The following FBXL20 variants were observed in gnomAD, a reference collection of about 807,000 sequenced individuals.
The protein encoded by FBXL20 is F-box/LRR-repeat protein 20.
FBXL20 carries 11 observed loss-of-function variants against 64.0 expected under a neutral mutation model. The ratio of observed to expected loss-of-function variants is 0.17; its 90% CI spans 0.11 to 0.28. FBXL20 has a LOEUF of 0.28. Among genes scored for constraint, FBXL20 ranks in the 10% least tolerant of loss-of-function variants. The pLI is 1.00. For missense variants in FBXL20, 303 were observed against 526.2 expected (o/e 0.58, Z 4.15); for synonymous variants, 184 against 189.0 (o/e 0.97, Z 0.22).
At position 39,379,948 on chromosome 17, in the gene FBXL20, C is replaced by T. The variant is rs564783897; in HGVS notation, c.42+21413G>A. On this transcript the variant is annotated intron_variant, in intron 1 of 14. Transcript: ENST00000264658. ...GAGCCATGATCGCATCATGGCACTC[C>T]AGCCTGAGTTGACAGAGTGAGACCC... is the stretch of plus-strand genomic sequence containing the variant. Among the ~76,000 whole-genome samples, 18 of 152,142 alleles carry T rather than the reference C, an allele frequency of 1.2e-4. No homozygotes were observed. The South Asian group carries it at 2.3e-3, about 19-fold the overall frequency.
At chr17:39,384,210 G>C (rs2048054892) in intron 1 of FBXL20, among the ~76,000 whole-genome samples, 1 of 152,004 alleles carries the variant, frequency 6.6e-6, no homozygotes, top group African/African-American at 2.4e-5. Context: ...CTCCAGCCTG[G>C]GTGGCAGAGA....
At chr17:39,265,629 C>A (rs2046783959) in intron 12 of FBXL20, among the ~76,000 whole-genome samples, 176 bp from the exon 13 acceptor site, 1 of 151,890 alleles carries the variant, frequency 6.6e-6, no homozygotes, top group Non-Finnish European at 1.5e-5. Flanking sequence ...ACCTCAGCCC[C>A]CTGAGTAGCT....
At chr17:39,359,198 C>A (rs1268735363) in intron 1 of FBXL20, among the ~76,000 whole-genome samples, 1 of 152,022 alleles carries the variant, frequency 6.6e-6, no homozygotes. Context: ...AGCGTGGCGG[C>A]ACGCACTTGT....
chr17:39,282,690 G>A lies in FBXL20; in HGVS notation c.621+39C>T, dbSNP rs190064587. On this transcript the variant is annotated intron_variant, in intron 8 of 14. Coordinates refer to ENST00000264658, the MANE Select transcript of FBXL20 (RefSeq NM_032875.3). ...TATAAAGAGCTCATGATTCATTCAC[G>A]ATTCTTCCGAATTTCACGAGCCCTA... 45 of 1,613,458 alleles carry A rather than the reference G, an allele frequency of 2.8e-5. No individual in the cohort carries two copies. The Admixed American group carries it at 7.0e-4, about 25-fold the overall frequency.
At chr17:39,306,259 G>A (rs980272148) in intron 2 of FBXL20, among the ~76,000 whole-genome samples, 1 of 150,860 alleles carries the variant, frequency 6.6e-6, no homozygotes, top group African/African-American at 2.4e-5. Flanking sequence ...CACGTGATTC[G>A]CCTGTCTCAG....
chr17:39,265,267 T>G (rs557110984), intron 13 of FBXL20, 130 bp downstream of exon 13: 17 of 655,702 alleles, frequency 2.6e-5, no homozygotes, highest in Admixed American at 5.8e-5. Flanking sequence ...TGGTTCTCAG[T>G]AAGCTGGCAG....
At chr17:39,392,040 G>A (rs909792395) in intron 1 of FBXL20, among the ~76,000 whole-genome samples, 1 of 152,142 alleles carries the variant, frequency 6.6e-6, no homozygotes, top group Admixed American at 6.5e-5. Context: ...GGGAGGCTGA[G>A]GCAGGAGAAT....
intron 2 of FBXL20, among the ~76,000 whole-genome samples, chr17:39,342,852 A>C (rs2047596142): frequency 6.6e-6 from 1 of 152,230 alleles, no homozygotes; most frequent in African/African-American, 2.4e-5. Flanking sequence ...ACTGCACTCC[A>C]GCCTGGATGA....
chr17:39,317,220 CAAA>C (rs1164469301), intron 2 of FBXL20, among the ~76,000 whole-genome samples: 2 of 151,992 alleles, frequency 1.3e-5, no homozygotes, highest in Non-Finnish European at 2.9e-5. Flanking sequence ...TTAAAAAAGA[CAAA>C]GAAGAGCTGC....
Position 39,401,408 on chromosome 17 carries a change from C to T in FBXL20, c.-6G>A. On this transcript the variant is annotated 5_prime_UTR_variant, in exon 1 of 15. Transcript: ENST00000264658. ...CCGTTCACGTCCCTCCTCATGGGGC[C>T]GGCGGGTGCGGCCCGGGCCGGGCGC... is the stretch of plus-strand genomic sequence containing the variant. 1.2e-6 allele frequency: 2 copies of T among 1,600,374 alleles called. No homozygotes were observed.
At chr17:39,275,366 A>T (rs2046880368) in intron 9 of FBXL20, among the ~76,000 whole-genome samples, 2 of 152,124 alleles carry the variant, frequency 1.3e-5, no homozygotes, top group African/African-American at 4.8e-5. Context: ...TGGGATCAGT[A>T]TGGGGTACAT....
intron 1 of FBXL20, among the ~76,000 whole-genome samples, chr17:39,378,199 C>A (rs1013653582): frequency 5.3e-5 from 8 of 152,148 alleles, no homozygotes; most frequent in African/African-American, 1.9e-4. Flanking sequence ...GCAAAATGTT[C>A]TGTTTTCAAC....
chr17:39,276,138 T>C (rs929354309), intron 9 of FBXL20, among the ~76,000 whole-genome samples: 9 of 147,118 alleles, frequency 6.1e-5, no homozygotes, highest in African/African-American at 2.0e-4. Flanking sequence ...TCCCAGCTAC[T>C]TGGACGGCTG....
At chr17:39,331,148 C>T (rs918176264) in intron 2 of FBXL20, among the ~76,000 whole-genome samples, 1 of 152,218 alleles carries the variant, frequency 6.6e-6, no homozygotes, top group African/African-American at 2.4e-5. Context: ...GCTCTGCGCC[C>T]AGGCTAGAGT....
chr17:39,304,943 G>C (rs142299323), intron 2 of FBXL20, among the ~76,000 whole-genome samples: 41 of 152,114 alleles, frequency 2.7e-4, no homozygotes, highest in African/African-American at 9.9e-4. Context: ...TTTTAGTAGA[G>C]ATGGGGTTTC....
At chr17:39,363,673 T>G (rs1399340230) in intron 1 of FBXL20, among the ~76,000 whole-genome samples, 4 of 151,790 alleles carry the variant, frequency 2.6e-5, no homozygotes, top group African/African-American at 9.7e-5. Flanking sequence ...TAGCTGGGCA[T>G]GGTGACACAT....
chr17:39,323,874 C>A (rs1056905901), intron 2 of FBXL20, among the ~76,000 whole-genome samples: 1 of 151,192 alleles, frequency 6.6e-6, no homozygotes, highest in East Asian at 1.9e-4. Context: ...TCAAGCAATT[C>A]TCTGCCTCAG....
At chr17:39,395,327 G>T (rs1357176853) in intron 1 of FBXL20, among the ~76,000 whole-genome samples, 1 of 152,194 alleles carries the variant, frequency 6.6e-6, no homozygotes, top group Admixed American at 6.5e-5. Context: ...GGGAGGATGA[G>T]GCAGGAGAAT....
chr17:39,337,372 A>C (rs992763673), intron 2 of FBXL20, among the ~76,000 whole-genome samples: 1 of 152,108 alleles, frequency 6.6e-6, no homozygotes, highest in South Asian at 2.1e-4. Context: ...TTGGCTTCCC[A>C]AAGTGCCGAG....
Sources: gnomAD v4.1 joint callset for allele counts (sites outside exome capture counted in the v4.1 genomes callset) on GRCh38, gnomAD v4.1.1 for gene constraint, MANE v1.5 for transcripts, NCBI Gene and HGNC (gene_info 2026-07-23, HGNC 2026-07-21) for gene names.